Variants in RBM5 observed in about 807,000 individuals in gnomAD.
RBM5 encodes RNA-binding protein 5.
In RBM5, 15 loss-of-function variants were observed where a neutral mutation model predicts 124.6. The observed-to-expected ratio is 0.12, with a 90% CI of 0.08 to 0.19. The LOEUF is 0.19. RBM5 is among the 10% of genes least tolerant of loss of function. The pLI, the probability that RBM5 is intolerant of heterozygous loss-of-function variation, is 1.00. For missense variants in RBM5, 580 were observed against 1,026.5 expected (o/e 0.57, Z 5.94); for synonymous variants, 337 against 361.2 (o/e 0.93, Z 0.76).
At chr3:50,099,888 A>C in intron 4 of RBM5, 94 bp from the exon 5 acceptor site, 1 of 1,141,616 alleles carries the variant, frequency 8.8e-7, no homozygotes. Context: ...AAAAAAAAAA[A>C]CTTGGCTAAT....
chr3:50,103,263 C>T, intron 7 of RBM5, 97 bp downstream of exon 7: 3 of 987,642 alleles, frequency 3.0e-6, no homozygotes, highest in Non-Finnish European at 4.8e-6. Flanking sequence ...GAAATTGTTA[C>T]TCAATCATCA....
Position 50,100,582 on chromosome 3 carries a change from A to G in RBM5, c.460A>G (p.Thr154Ala). The change falls in exon 6 of 25, where the codon ACC becomes GCC. Residue 154 changes from threonine to alanine, a missense_variant. Coordinates refer to ENST00000347869, the MANE Select transcript of RBM5 (RefSeq NM_005778.4). The surrounding 1 kb of genome is among the most constrained non-coding windows in gnomAD (Gnocchi z 5.1). ...GGAGTTTTATCACTTGCAAGATGCT[A>G]CCAGCTGGATGGAAGCCAATCAGGT... ...FVEFYHLQDA[T>A]SWMEANQKKL... 1.2e-6 allele frequency: 2 copies of G among 1,612,054 alleles called. No homozygotes were observed. The highest frequency in any genetic ancestry group is 1.7e-6 in the Non-Finnish European group (2 of 1,178,140).
chr3:50,113,951 T>C lies in RBM5; in HGVS notation c.1619T>C (p.Ile540Thr). Residue 540 changes from isoleucine to threonine, a missense_variant and splice_region_variant, in exon 19 of 25, where the codon ATT (isoleucine) becomes ACT (threonine). This residue lies in a region of RBM5 where 234 missense variants were observed against 435.1 expected (regional missense o/e 0.54). Coordinates refer to ENST00000347869, the MANE Select transcript of RBM5 (RefSeq NM_005778.4). ...EKPKSKTAQQ[I>T]AKDMERWAKS... ...TTGGTGTTTGTTGTTTGACATTAGA[T>C]TGCCAAAGACATGGAACGCTGGGCT... 1 of 1,609,896 alleles carries C rather than the reference T, an allele frequency of 6.2e-7. No homozygotes were observed. Among genetic ancestry groups the C allele is most frequent in the Non-Finnish European group, 8.5e-7 (1 of 1,178,446 alleles).
Position 50,093,802 on chromosome 3 carries a change from A to G in RBM5, c.266A>G (p.His89Arg), listed in dbSNP as rs201825095. 27 of 1,613,996 alleles carry G rather than the reference A, an allele frequency of 1.7e-5. No homozygotes were observed. The highest frequency in any genetic ancestry group is 2.3e-5 in the Non-Finnish European group (27 of 1,179,972). Reference sequence around the variant, plus strand: ...GACTATGGTGAGCACGACTATAGGCATGACATCAGTGACGAGAGGGAGAGC... The same window carrying G: ...GACTATGGTGAGCACGACTATAGGCGTGACATCAGTGACGAGAGGGAGAGC... ...DGDYGEHDYR[H>R]DISDERESKT... The change falls in exon 4 of 25, where the codon CAT becomes CGT. Residue 89 changes from histidine to arginine, a missense_variant. This residue lies in a region of RBM5 where 99 missense variants were observed against 121.1 expected (regional missense o/e 0.82). Coordinates refer to ENST00000347869, the MANE Select transcript of RBM5 (RefSeq NM_005778.4).
At chr3:50,112,627 T>G (rs1057195150) in intron 17 of RBM5, 5 of 152,342 alleles carry the variant, frequency 3.3e-5, no homozygotes, top group African/African-American at 4.8e-5. Context: ...TCTGTGCTAG[T>G]GTTTACACCC....
rs751253922 is a variant in RBM5, at chr3:50,093,892, G to C, written c.339+17G>C. 2 of 1,590,870 alleles carry C rather than the reference G, an allele frequency of 1.3e-6. No individual in the cohort carries two copies. Among genetic ancestry groups the C allele is most frequent in the East Asian group, 4.5e-5 (2 of 44,342 alleles). ...GAGAGCGATGTAAGGGGAAATGACA[G>C]TTATAACCAGCAGTCAGTAGGCACA... is the stretch of plus-strand genomic sequence containing the variant. On this transcript the variant is annotated intron_variant, in intron 4 of 24. Coordinates refer to ENST00000347869, the MANE Select transcript of RBM5 (RefSeq NM_005778.4).
chr3:50,092,009 C>G, intron 2 of RBM5, 34 bp from the exon 3 acceptor site: 4 of 1,606,852 alleles, frequency 2.5e-6, no homozygotes, highest in Non-Finnish European at 3.4e-6. Flanking sequence ...CAAAATGTGA[C>G]TGACTTTAGA....
intron 7 of RBM5, among the ~76,000 whole-genome samples, chr3:50,103,840 A>G (rs549973632): frequency 7.5e-4 from 114 of 152,290 alleles, no homozygotes; most frequent in African/African-American, 2.6e-3. Context: ...TTGAATGTTG[A>G]CATTGATATT....
rs983455011 is a variant in RBM5, at chr3:50,110,515, C to A, written c.1363+52C>A. 5.1e-6 allele frequency: 8 copies of A among 1,557,702 alleles called. No individual in the cohort carries two copies. The South Asian group carries it at 9.0e-5, about 17-fold the overall frequency. On this transcript the variant is annotated intron_variant, in intron 16 of 24. Transcript: ENST00000347869. ...ACAGTTGGAAGGTCTTAGTTGTTGTCTTTGTTTAATGAGAGTTCTTCTCCC... is the reference window on the plus strand; with the variant it reads ...ACAGTTGGAAGGTCTTAGTTGTTGTATTTGTTTAATGAGAGTTCTTCTCCC...
chr3:50,093,692 A>G (rs2090751902), intron 3 of RBM5, 28 bp from the exon 4 acceptor site: 1 of 1,605,434 alleles, frequency 6.2e-7, no homozygotes, highest in Non-Finnish European at 8.5e-7. Flanking sequence ...GGGTGATGTT[A>G]ATTGTGATTT....
At chr3:50,105,257 A>G in intron 9 of RBM5, 115 bp downstream of exon 9, 1 of 898,052 alleles carries the variant, frequency 1.1e-6, no homozygotes, top group Non-Finnish European at 1.7e-6. Flanking sequence ...AAATACAAAA[A>G]ATTAGCTGGG....
chr3:50,096,677 A>C (rs1332257981), intron 4 of RBM5, among the ~76,000 whole-genome samples: 1 of 108 alleles, frequency 9.3e-3, no homozygotes, highest in African/African-American at 0.042. Flanking sequence ...GCAGCCTCCA[A>C]CTTTTGGGGC....
intron 20 of RBM5, chr3:50,115,218 A>G: frequency 1.9e-6 from 1 of 531,666 alleles, no homozygotes; most frequent in Non-Finnish European, 3.2e-6. Flanking sequence ...TTAGGCTCCA[A>G]GAAGGTTGGT....
intron 17 of RBM5, 98 bp downstream of exon 17, chr3:50,110,868 G>A: frequency 9.9e-7 from 1 of 1,005,452 alleles, no homozygotes; most frequent in African/African-American, 1.6e-5. Flanking sequence ...AAGAATATAT[G>A]ACTCAGATTA....
At position 50,117,212 on chromosome 3, in the gene RBM5, C is replaced by T. The variant is rs761902566; in HGVS notation, c.2193-38C>T. The T allele has an allele frequency of 8.7e-6, 14 of 1,614,176 alleles. No individual in the cohort carries two copies. Among genetic ancestry groups the T allele is most frequent in the Non-Finnish European group, 1.2e-5 (14 of 1,180,018 alleles). On this transcript the variant is annotated intron_variant, in intron 23 of 24. Coordinates refer to ENST00000347869, the MANE Select transcript of RBM5 (RefSeq NM_005778.4). This position sits in a 1 kb window ranked among gnomAD's most constrained non-coding sequence, Gnocchi z 4.2. ...ATTTTCCAGTTCGTAAGCTGGGGCCCTGGCTGTTTTAAGTAACTGTGTGTT... is the reference window on the plus strand; with the variant it reads ...ATTTTCCAGTTCGTAAGCTGGGGCCTTGGCTGTTTTAAGTAACTGTGTGTT...
intron 4 of RBM5, 28 bp downstream of exon 4, chr3:50,093,903 C>T: frequency 6.3e-7 from 1 of 1,583,962 alleles, no homozygotes; most frequent in East Asian, 2.3e-5. Context: ...TTATAACCAG[C>T]AGTCAGTAGG....
In RBM5 at chr3:50,117,308, C is replaced by A; in HGVS notation, c.2251C>A (p.Leu751Met). The change falls in exon 24 of 25, where the codon CTG becomes ATG. Residue 751 changes from leucine to methionine, a missense_variant. By Grantham distance (15) the Leu-to-Met change is conservative. This residue lies in a region of RBM5 where 234 missense variants were observed against 435.1 expected (regional missense o/e 0.54). Transcript: ENST00000347869. The surrounding 1 kb of genome is among the most constrained non-coding windows in gnomAD (Gnocchi z 4.2). ...IDHSNIGNKMLQAMGWREGSG... is the reference protein window; with the variant it reads ...IDHSNIGNKMMQAMGWREGSG... The stretch of plus-strand genomic sequence containing the variant: ...CCACAGTAACATTGGCAACAAGATG[C>A]TGCAGGCCATGGGCTGGCGGGAAGG... 1 of 1,614,216 alleles carries A rather than the reference C, an allele frequency of 6.2e-7. No individual in the cohort carries two copies. Among genetic ancestry groups the A allele is most frequent in the Non-Finnish European group, 8.5e-7 (1 of 1,180,032 alleles).
At position 50,100,073 on chromosome 3, in the gene RBM5, G is replaced by C. The variant is rs1045204243; in HGVS notation, c.409+22G>C. On this transcript the variant is annotated intron_variant, in intron 5 of 24. Transcript: ENST00000347869. The surrounding 1 kb of genome is among the most constrained non-coding windows in gnomAD (Gnocchi z 5.1). ...ACAGGTGAGAGCTTGCTTAGTTCCTGATATTATTGTTCTCTTCCCCATTCC... is the reference window on the plus strand; with the variant it reads ...ACAGGTGAGAGCTTGCTTAGTTCCTCATATTATTGTTCTCTTCCCCATTCC... 4.4e-6 allele frequency: 7 copies of C among 1,608,076 alleles called. No homozygotes were observed. The Middle Eastern group carries it at 5.0e-4, about 114-fold the overall frequency.
At chr3:50,092,561 CA>C (rs1156471002) in intron 3 of RBM5, among the ~76,000 whole-genome samples, 1,214 of 66,390 alleles carry the variant, frequency 0.018, 11 homozygotes, top group African/African-American at 0.049. Context: ...GACTCCATCT[CA>C]AAAAAAAAAA....
Sources: gnomAD v4.1 joint callset for allele counts (sites outside exome capture counted in the v4.1 genomes callset) on GRCh38, gnomAD v4.1.1 for gene constraint, gnomAD v4.1.1 regional missense constraint, Gnocchi (gnomAD v3.1) non-coding constraint, MANE v1.5 for transcripts, NCBI Gene and HGNC (gene_info 2026-07-23, HGNC 2026-07-21) for gene names.